Variants in SUPT6H observed in about 807,000 individuals in gnomAD.
SUPT6H encodes SPT6 homolog, histone chaperone and transcription elongation factor, also known as transcription elongation factor SPT6.
In SUPT6H, 11 loss-of-function variants were observed where a neutral mutation model predicts 222.3. The ratio of observed to expected loss-of-function variants is 0.05; its 90% CI spans 0.03 to 0.08. The LOEUF (loss-of-function observed/expected upper bound fraction) is 0.08. Ranked by LOEUF, SUPT6H falls within the 10% of genes least tolerant of loss-of-function variation. SUPT6H has a pLI of 1.00. For synonymous variants in SUPT6H, 762 were observed against 801.2 expected, an observed-to-expected ratio of 0.95 and a Z score of 0.83; for missense variants, 1,422 against 2,216.0, an observed-to-expected ratio of 0.64 and a Z score of 7.19.
rs762054221 is a variant in SUPT6H at position 28,678,975 on chromosome 17, G to C, written c.1349+12G>C. ...ACTGACATGGAGAGGTAAAACATGC[G>C]GTGTTTATTCCATTATGGGAAGCCC... On this transcript the variant is annotated intron_variant, in intron 11 of 36. Coordinates refer to ENST00000314616, the MANE Select transcript of SUPT6H (RefSeq NM_003170.5). 1.2e-6 allele frequency: 2 copies of C among 1,613,934 alleles called. No homozygotes were observed. The highest frequency in any genetic ancestry group is 2.7e-5 in the African/African-American group (2 of 74,910).
chr17:28,677,685 C>G (rs7207976), intron 7 of SUPT6H, 30 bp from the exon 8 acceptor site: 14 of 1,511,118 alleles, frequency 9.3e-6, no homozygotes, highest in African/African-American at 2.8e-5. Context: ...AGATAAAGTC[C>G]GTCTCACCCT....
At chr17:28,664,550 C>T (rs1185799869) in intron 1 of SUPT6H, among the ~76,000 whole-genome samples, 1 of 152,134 alleles carries the variant, frequency 6.6e-6, no homozygotes, top group Non-Finnish European at 1.5e-5. Context: ...ACAGGAATCC[C>T]GAGCCTTCTA....
intron 19 of SUPT6H, among the ~76,000 whole-genome samples, chr17:28,685,667 A>G (rs988419567): frequency 2.0e-5 from 3 of 152,204 alleles, no homozygotes; most frequent in Admixed American, 6.5e-5. Flanking sequence ...TATTTTTTGT[A>G]GAGACACGGT....
In SUPT6H at chr17:28,695,433, C is replaced by T; in HGVS notation, c.3856C>T (p.Leu1286Phe). The T allele has an allele frequency of 6.2e-7, 1 of 1,614,134 alleles. No individual in the cohort carries two copies. The highest frequency in any genetic ancestry group is 8.5e-7 in the Non-Finnish European group (1 of 1,180,028). ...SADLTCRTSD[L>F]MDRNNEWKLP... The stretch of plus-strand genomic sequence containing the variant: ...AGACCTGACCTGCCGCACCTCAGAC[C>T]TCATGGACAGGAACAATGAGTGGAA... The change falls in exon 29 of 37, where the codon CTC (leucine) becomes TTC (phenylalanine). Residue 1286 changes from leucine (L) to phenylalanine (F), a missense_variant. Around this residue, in one of 13 missense-constraint regions of SUPT6H, gnomAD observed 395 missense variants for 580.6 expected, o/e 0.68. Transcript: ENST00000314616.
chr17:28,681,469 C>G, intron 12 of SUPT6H, 65 bp downstream of exon 12: 1 of 1,514,814 alleles, frequency 6.6e-7, no homozygotes, highest in South Asian at 1.3e-5. Context: ...CGCATGTAAT[C>G]CCAGCATTTT....
chr17:28,695,556 G>A lies in SUPT6H; in HGVS notation c.3970+9G>A. 1.9e-6 allele frequency: 3 copies of A among 1,610,912 alleles called. No homozygotes were observed. Among genetic ancestry groups the A allele is most frequent in the Non-Finnish European group, 2.5e-6 (3 of 1,178,652 alleles). On this transcript the variant is annotated intron_variant, in intron 29 of 36. Coordinates refer to ENST00000314616, the MANE Select transcript of SUPT6H (RefSeq NM_003170.5). ...GAAGCAGCAGCGGACCAGTGAGTGT[G>A]CCTCCCACCATCTCTGTGCACCCTG... is the stretch of plus-strand genomic sequence containing the variant.
intron 19 of SUPT6H, 85 bp downstream of exon 19, chr17:28,685,046 A>G (rs2031313511): frequency 1.6e-6 from 2 of 1,287,180 alleles, no homozygotes; most frequent in Admixed American, 2.0e-5. Context: ...GGTCTAAGCA[A>G]CATCCTATGC....
Position 28,700,452 on chromosome 17 carries a change from C to T in SUPT6H, c.4746C>T (p.Ala1582=), listed in dbSNP as rs757469524. 1 of 1,614,260 alleles carries T rather than the reference C, an allele frequency of 6.2e-7. No individual in the cohort carries two copies. The highest frequency in any genetic ancestry group is 8.5e-7 in the Non-Finnish European group (1 of 1,180,048). Residue 1582 remains alanine (A), a synonymous_variant, in exon 35 of 37, where the codon GCC becomes GCT. Coordinates refer to ENST00000314616, the MANE Select transcript of SUPT6H (RefSeq NM_003170.5). The part of the protein sequence containing the change: ...GQGQNPNATP[A]QWASSQYGYG... Reference sequence around the variant, plus strand: ...GACAGAACCCTAATGCCACCCCAGCCCAGTGGGCCTCCAGCCAGTACGGCT... The same window carrying T: ...GACAGAACCCTAATGCCACCCCAGCTCAGTGGGCCTCCAGCCAGTACGGCT...
In SUPT6H at chr17:28,682,949, C is replaced by G. The variant is rs771270282; in HGVS notation, c.1735C>G (p.Pro579Ala). ...LAKDYVCSQF[P>A]TPEAVLEGAR... ...GCACCATTTTCCCCACAGCCAGTTC[C>G]CTACTCCAGAAGCTGTGCTAGAAGG... The change falls in exon 15 of 37, where the codon CCT (proline) becomes GCT (alanine). Residue 579 changes from proline (P) to alanine (A), a missense_variant. Transcript: ENST00000314616. 4 of 1,611,950 alleles carry G rather than the reference C, an allele frequency of 2.5e-6. No individual in the cohort carries two copies. The highest frequency in any genetic ancestry group is 3.4e-6 in the Non-Finnish European group (4 of 1,178,742).
At chr17:28,681,159 T>G (rs2031082164) in intron 11 of SUPT6H, 97 bp from the exon 12 acceptor site, 1 of 1,359,484 alleles carries the variant, frequency 7.4e-7, no homozygotes, top group Admixed American at 2.1e-5. Flanking sequence ...CCATTTTAGT[T>G]GGGATACTGC....
At chr17:28,700,278 G>A (rs758486457) in intron 34 of SUPT6H, 28 bp downstream of exon 34, 1 of 1,614,194 alleles carries the variant, frequency 6.2e-7, no homozygotes, top group Admixed American at 1.7e-5. Context: ...GGGACTGGAG[G>A]TGGGAAGGAT....
At chr17:28,701,334 G>T in intron 36 of SUPT6H, 105 bp from the exon 37 acceptor site, 1 of 1,467,318 alleles carries the variant, frequency 6.8e-7, no homozygotes, top group Non-Finnish European at 9.2e-7. Context: ...CCAGTAGAGG[G>T]GCTGCTGCCC....
intron 1 of SUPT6H, among the ~76,000 whole-genome samples, chr17:28,665,614 T>C (rs901313628): frequency 1.3e-5 from 2 of 151,874 alleles, no homozygotes. Flanking sequence ...AAAGAAAAAA[T>C]TAGCTGGACG....
intron 36 of SUPT6H, 55 bp from the exon 37 acceptor site, chr17:28,701,384 G>T: frequency 1.3e-6 from 2 of 1,584,312 alleles, no homozygotes; most frequent in Non-Finnish European, 1.7e-6. Context: ...ACAGTGATTG[G>T]TGGGAAGACT....
Position 28,686,765 on chromosome 17 carries a change from C to G in SUPT6H, c.2676C>G (p.Leu892=), listed in dbSNP as rs1326610601. Residue 892 remains leucine, a synonymous_variant, in exon 21 of 37, where the codon CTC becomes CTG. Coordinates refer to ENST00000314616, the MANE Select transcript of SUPT6H (RefSeq NM_003170.5). ...TGGTTGACAACGAGTTGGCCATTCT[C>G]TATATGAACAGCAAGAAGTCAGAGG... ...VELVDNELAI[L]YMNSKKSEAE... The G allele has an allele frequency of 3.1e-6, 5 of 1,609,532 alleles. No homozygotes were observed. The highest frequency in any genetic ancestry group is 3.4e-6 in the Non-Finnish European group (4 of 1,178,410).
rs569032017 is a variant in SUPT6H, at chr17:28,690,497, AGGCACAGT to A, written c.3490+272_3490+279del. ...CTATCATCAAATCAGGGGAACGGCC[AGGCACAGT>A]GGCTCATGCCTGTAATCCCAGCACT... On this transcript the variant is annotated intron_variant, in intron 26 of 36. Transcript: ENST00000314616. Among the ~76,000 whole-genome samples, 80 of 152,356 alleles carry A rather than the reference AGGCACAGT, an allele frequency of 5.3e-4. 1 individual carries two copies. In the South Asian group the frequency reaches 0.016, roughly 31 times the overall value.
chr17:28,668,287 A>T (rs1240307322), intron 1 of SUPT6H, among the ~76,000 whole-genome samples: 1 of 152,246 alleles, frequency 6.6e-6, no homozygotes, highest in African/African-American at 2.4e-5. Flanking sequence ...CATCAGGCTC[A>T]TCATAGATAC....
Position 28,677,382 on chromosome 17 carries a change from CAAAAA to C in SUPT6H, c.898-324_898-320del, listed in dbSNP as rs534234394. ...TGGGCAACAGAGCGAGACTCCATCT[CAAAAA>C]AAAAAAAATCAGCTGGGCGTGGTGG... On this transcript the variant is annotated intron_variant, in intron 7 of 36. Coordinates refer to ENST00000314616, the MANE Select transcript of SUPT6H (RefSeq NM_003170.5). Among the ~76,000 whole-genome samples the C allele has an allele frequency of 5.5e-3, 715 of 130,226 alleles. 7 individuals are homozygous for C. Among genetic ancestry groups the C allele is most frequent in the African/African-American group, 0.019 (686 of 35,622 alleles). 85.4% of individuals were successfully genotyped at this position (130,226 alleles called of 152,430 possible).
intron 19 of SUPT6H, 67 bp from the exon 20 acceptor site, chr17:28,686,272 G>A (rs2031374510): frequency 1.4e-6 from 2 of 1,407,622 alleles, no homozygotes; most frequent in Admixed American, 1.7e-5. Flanking sequence ...TCCAACATAG[G>A]GAGACAGAAT....
Sources: gnomAD v4.1 joint callset for allele counts (sites outside exome capture counted in the v4.1 genomes callset) on GRCh38, gnomAD v4.1.1 for gene constraint, gnomAD v4.1.1 regional missense constraint, MANE v1.5 for transcripts, NCBI Gene and HGNC (gene_info 2026-07-23, HGNC 2026-07-21) for gene names.